Variants in MAD1L1 observed in about 807,000 individuals in gnomAD.
MAD1L1 encodes mitotic spindle assembly checkpoint protein MAD1.
Under a neutral mutation model 96.9 loss-of-function variants are expected in MAD1L1, and 95 were observed. The ratio of observed to expected loss-of-function variants is 0.98; its 90% CI spans 0.83 to 1.16. The LOEUF is 1.16. MAD1L1 is among the 50% of genes most tolerant of loss of function. The pLI, the probability that MAD1L1 is intolerant of heterozygous loss-of-function variation, is 0.00. For missense variants in MAD1L1, 1,007 were observed against 954.4 expected, an observed-to-expected ratio of 1.06 and a Z score of -0.73; for synonymous variants, 473 against 396.6, an observed-to-expected ratio of 1.19 and a Z score of -2.29.
intron 10 of MAD1L1, among the ~76,000 whole-genome samples, chr7:2,165,334 T>C (rs1210817402): frequency 6.6e-6 from 1 of 152,250 alleles, no homozygotes; most frequent in Non-Finnish European, 1.5e-5. Context: ...TCTGGACTGA[T>C]AGAAGTGTGT....
rs1787555835 is a variant in MAD1L1, at chr7:2,114,473, G to GC, written c.1073+34678dup. Among the ~76,000 whole-genome samples, 2 of 152,208 alleles carry GC rather than the reference G, an allele frequency of 1.3e-5. No individual in the cohort carries two copies. Among genetic ancestry groups the GC allele is most frequent in the Non-Finnish European group, 2.9e-5 (2 of 68,038 alleles). ...GGCATCTTTCCTGAAAGAGACAATT[G>GC]CGAGAAATGAAAGCCTGGCTGCCGG... On this transcript the variant is annotated intron_variant, in intron 11 of 18. Coordinates refer to ENST00000265854, the MANE Select transcript of MAD1L1 (RefSeq NM_001013836.2). This position sits in a 1 kb window ranked among gnomAD's most constrained non-coding sequence, Gnocchi z 4.2.
At chr7:2,225,771 G>A (rs1793861992) in intron 3 of MAD1L1, among the ~76,000 whole-genome samples, 2 of 152,356 alleles carry the variant, frequency 1.3e-5, no homozygotes, top group South Asian at 4.1e-4. Context: ...CTTTTGAGAT[G>A]ACATTAAGCA....
chr7:1,889,224 T>C (rs1360678395), intron 18 of MAD1L1, among the ~76,000 whole-genome samples: 1 of 152,206 alleles, frequency 6.6e-6, no homozygotes, highest in Non-Finnish European at 1.5e-5. Flanking sequence ...AAGGCAGTTC[T>C]GGCCCGGGTC....
Position 2,088,552 on chromosome 7 carries a change from C to T in MAD1L1, c.1074-19214G>A, listed in dbSNP as rs576419006. ...GCTGCCACTGCACGTGCACATCCATCTCCCTGGGAGGCCGGGGAGATCAGG... is the reference window on the plus strand; with the variant it reads ...GCTGCCACTGCACGTGCACATCCATTTCCCTGGGAGGCCGGGGAGATCAGG... On this transcript the variant is annotated intron_variant, in intron 11 of 18. Coordinates refer to ENST00000265854, the MANE Select transcript of MAD1L1 (RefSeq NM_001013836.2). The surrounding 1 kb of genome is among the most constrained non-coding windows in gnomAD (Gnocchi z 4.4). Among the ~76,000 whole-genome samples the T allele has an allele frequency of 6.6e-6, 1 of 152,230 alleles. No homozygotes were observed. The highest frequency in any genetic ancestry group is 1.5e-5 in the Non-Finnish European group (1 of 68,046).
chr7:2,124,464 C>T (rs1230444667), intron 11 of MAD1L1, among the ~76,000 whole-genome samples: 2 of 152,196 alleles, frequency 1.3e-5, no homozygotes, highest in African/African-American at 4.8e-5. Flanking sequence ...CTGCCTGCTA[C>T]CAGGGCTAGT....
At chr7:2,133,025 C>T (rs761988260) in intron 11 of MAD1L1, among the ~76,000 whole-genome samples, 5 of 152,366 alleles carry the variant, frequency 3.3e-5, no homozygotes, top group East Asian at 3.9e-4. Context: ...TTTGGTGAGG[C>T]GCCTGTTCAG....
chr7:2,071,076 A>C (rs1785103197), intron 11 of MAD1L1, among the ~76,000 whole-genome samples: 1 of 147,816 alleles, frequency 6.8e-6, no homozygotes, highest in Non-Finnish European at 1.5e-5. Context: ...GGGCTGGTGG[A>C]TGGTGCTTTC....
chr7:1,982,477 G>A (rs543917248), intron 14 of MAD1L1, among the ~76,000 whole-genome samples: 33 of 152,354 alleles, frequency 2.2e-4, no homozygotes, highest in African/African-American at 7.0e-4. Context: ...CCAGAGTGCT[G>A]GGATTACAGG....
At chr7:1,840,390 C>T (rs1783185280) in intron 18 of MAD1L1, among the ~76,000 whole-genome samples, 3 of 152,198 alleles carry the variant, frequency 2.0e-5, no homozygotes, top group Non-Finnish European at 2.9e-5. Flanking sequence ...GTCTTTGAAT[C>T]GGGCTGTACA....
chr7:1,894,059 G>C (rs1451939033), intron 18 of MAD1L1, among the ~76,000 whole-genome samples: 2 of 152,340 alleles, frequency 1.3e-5, no homozygotes, highest in African/African-American at 4.8e-5. Flanking sequence ...GCCCTGAGCT[G>C]GGGGCGTGGA....
At chr7:1,952,470 G>A (rs950583143) in intron 16 of MAD1L1, among the ~76,000 whole-genome samples, 4 of 152,230 alleles carry the variant, frequency 2.6e-5, no homozygotes, top group East Asian at 3.9e-4. Flanking sequence ...CACCTCATCC[G>A]TCTGAACCAT....
At chr7:2,065,979 T>C (rs1784860582) in intron 12 of MAD1L1, among the ~76,000 whole-genome samples, 1 of 152,186 alleles carries the variant, frequency 6.6e-6, no homozygotes, top group Admixed American at 6.5e-5. Flanking sequence ...AACAGGAAAA[T>C]GGTTTGTGTT....
intron 13 of MAD1L1, among the ~76,000 whole-genome samples, chr7:2,003,199 G>A (rs543795879): frequency 6.6e-5 from 10 of 152,186 alleles, no homozygotes; most frequent in African/African-American, 9.7e-5. Context: ...CTGGCCCAGC[G>A]GCAACTGGAA....
rs538537331 is a variant in MAD1L1, at chr7:1,865,613, C to A, written c.1998+32587G>T. Among the ~76,000 whole-genome samples, 6 of 152,338 alleles carry A rather than the reference C, an allele frequency of 3.9e-5. No homozygotes were observed. In the South Asian group the frequency reaches 1.2e-3, roughly 32 times the overall value. On this transcript the variant is annotated intron_variant, in intron 18 of 18. Coordinates refer to ENST00000265854, the MANE Select transcript of MAD1L1 (RefSeq NM_001013836.2). ...GAGAAGGGATACTCAATATTAATACCATCACCTCAGTGTGGAATTGAGGCC... is the reference window on the plus strand; with the variant it reads ...GAGAAGGGATACTCAATATTAATACAATCACCTCAGTGTGGAATTGAGGCC...
At chr7:1,867,346 C>T (rs1784825076) in intron 18 of MAD1L1, among the ~76,000 whole-genome samples, 1 of 152,048 alleles carries the variant, frequency 6.6e-6, no homozygotes, top group African/African-American at 2.4e-5. Context: ...CCGCAGGACC[C>T]CCCCGGAAGA....
At chr7:1,940,195 G>C (rs1045970128) in intron 16 of MAD1L1, 7 of 152,226 alleles carry the variant, frequency 4.6e-5, no homozygotes, top group African/African-American at 1.2e-4. Context: ...GCTTCTCCTG[G>C]GAAGGAGGAG....
At chr7:2,038,803 T>A (rs969100557) in intron 12 of MAD1L1, among the ~76,000 whole-genome samples, 3 of 152,106 alleles carry the variant, frequency 2.0e-5, no homozygotes, top group Non-Finnish European at 4.4e-5. Context: ...ATGCATCAGC[T>A]ACTGTGCCTG....
At chr7:2,093,315 T>G (rs1397785993) in intron 11 of MAD1L1, among the ~76,000 whole-genome samples, 1 of 150,690 alleles carries the variant, frequency 6.6e-6, no homozygotes, top group Non-Finnish European at 1.5e-5. Flanking sequence ...TAAAAGAATA[T>G]TTAACATGGA....
chr7:2,169,598 G>A (rs1016352733), intron 10 of MAD1L1, among the ~76,000 whole-genome samples: 1 of 152,226 alleles, frequency 6.6e-6, no homozygotes, highest in Admixed American at 6.5e-5. Flanking sequence ...GCTCCGCGCT[G>A]CGTGCAATTA....
Sources: allele counts gnomAD v4.1 joint callset (sites outside exome capture counted in the v4.1 genomes callset), GRCh38; gene constraint gnomAD v4.1.1; non-coding constraint Gnocchi (gnomAD v3.1); transcripts MANE v1.5; gene names NCBI Gene and HGNC (gene_info 2026-07-23, HGNC 2026-07-21).